The following ZFP41 variants were observed in gnomAD, a reference collection of about 807,000 sequenced individuals.
ZFP41 encodes the protein zinc finger protein 41 homolog.
A neutral mutation model predicts 11.6 loss-of-function variants in ZFP41; 10 were observed. That is an observed-to-expected ratio of 0.86 (90% CI 0.53 to 1.47). The LOEUF (loss-of-function observed/expected upper bound fraction) is 1.47. Among genes scored for constraint, ZFP41 ranks in the 40% most tolerant of loss-of-function variants. The pLI is 0.00. For synonymous variants in ZFP41, 123 were observed against 100.9 expected (o/e 1.22, Z -1.31); for missense variants, 302 against 264.6 (o/e 1.14, Z -0.98).
intron 2 of ZFP41, among the ~76,000 whole-genome samples, chr8:143,255,834 C>T (rs560834014): frequency 1.3e-4 from 16 of 122,292 alleles, no homozygotes; most frequent in South Asian, 1.2e-3. Context: ...GGGCTCGCCC[C>T]GCGTGCTGGT....
Position 143,250,299 on chromosome 8 carries a change from T to C in ZFP41, c.456T>C (p.Phe152=), listed in dbSNP as rs146644093. Reference sequence around the variant, plus strand: ...AATGCGGGGAGTGCGGGAAAGCCTTTAACTGCGGCTCCAATCTCCTGAAAC... The same window carrying C: ...AATGCGGGGAGTGCGGGAAAGCCTTCAACTGCGGCTCCAATCTCCTGAAAC... ...PFKCGECGKA[F]NCGSNLLKHQ... The change falls in exon 2 of 3, where the codon TTT becomes TTC. Residue 152 remains phenylalanine, a synonymous_variant. Transcript: ENST00000330701. The C allele has an allele frequency of 2.5e-6, 4 of 1,613,998 alleles. No individual in the cohort carries two copies. Among genetic ancestry groups the C allele is most frequent in the Middle Eastern group, 1.6e-4 (1 of 6,062 alleles).
chr8:143,250,371 T>C lies in ZFP41; in HGVS notation c.528T>C (p.Cys176=). 1 of 1,613,912 alleles carries C rather than the reference T, an allele frequency of 6.2e-7. No individual in the cohort carries two copies. Among genetic ancestry groups the C allele is most frequent in the Non-Finnish European group, 8.5e-7 (1 of 1,180,014 alleles). Residue 176 remains cysteine, a synonymous_variant, in exon 2 of 3, where the codon TGT becomes TGC. Transcript: ENST00000330701. ...AGAAGCCCTACGAATGCACGCACTG[T>C]GGGAAAGCCTTTGCCTACAGCTCCT... ...TGEKPYECTH[C]GKAFAYSSCL...
chr8:143,251,901 A>T (rs1318846968), intron 2 of ZFP41, among the ~76,000 whole-genome samples: 1 of 152,244 alleles, frequency 6.6e-6, no homozygotes, highest in East Asian at 1.9e-4. Flanking sequence ...GACGTGTTGG[A>T]AGCACATTCC....
rs752962566 is a variant in ZFP41, at chr8:143,250,205, G to A, written c.362G>A (p.Gly121Glu). The A allele has an allele frequency of 6.2e-7, 1 of 1,614,062 alleles. No homozygotes were observed. The highest frequency in any genetic ancestry group is 1.7e-5 in the Admixed American group (1 of 60,014). ...AAGCCCTTCAAGTGTGCGCAGTGCG[G>A]GAAGGCCTTCCGGCACAGCTCTGAC... is the stretch of plus-strand genomic sequence containing the variant. The part of the protein sequence containing the change: ...GEKPFKCAQC[G>E]KAFRHSSDVT... Residue 121 changes from glycine to glutamate, a missense_variant, in exon 2 of 3, where the codon GGG (glycine) becomes GAG (glutamate). Gly to Glu is a moderately conservative substitution (Grantham distance 98). Transcript: ENST00000330701.
At chr8:143,258,855 G>C (rs1051805848) in intron 2 of ZFP41, among the ~76,000 whole-genome samples, 1 of 152,230 alleles carries the variant, frequency 6.6e-6, no homozygotes, top group Non-Finnish European at 1.5e-5. Flanking sequence ...GCGTGGTAAA[G>C]ATGGCCAGGT....
At chr8:143,256,928 G>T (rs1362862900) in intron 2 of ZFP41, among the ~76,000 whole-genome samples, 4 of 152,264 alleles carry the variant, frequency 2.6e-5, no homozygotes, top group Admixed American at 2.6e-4. Context: ...AAGACCAAGA[G>T]CTGAAGCCGG....
intron 2 of ZFP41, among the ~76,000 whole-genome samples, chr8:143,256,820 T>C (rs7824894): frequency 0.44 from 67,079 of 152,048 alleles, 15,667 homozygotes; most frequent in East Asian, 0.69. Flanking sequence ...ATCTTTTTTG[T>C]CCCTATCATT....
chr8:143,247,936 C>G (rs1816723848), intron 1 of ZFP41, among the ~76,000 whole-genome samples: 1 of 152,334 alleles, frequency 6.6e-6, no homozygotes, highest in Admixed American at 6.5e-5. Context: ...TCCCCTCCCT[C>G]AGCCTCCTGA....
chr8:143,258,937 C>G (rs1814974216), intron 2 of ZFP41, among the ~76,000 whole-genome samples: 1 of 152,228 alleles, frequency 6.6e-6, no homozygotes, highest in Non-Finnish European at 1.5e-5. Flanking sequence ...GCAGCACAGT[C>G]TGGAGAGCAG....
intron 2 of ZFP41, among the ~76,000 whole-genome samples, chr8:143,254,392 A>G (rs1407374086): frequency 1.7e-4 from 26 of 152,228 alleles, no homozygotes; most frequent in Admixed American, 1.6e-3. Flanking sequence ...AGCCGGCGTC[A>G]GGAGTCAGGA....
intron 1 of ZFP41, chr8:143,247,539 G>A (rs978707813): frequency 3.3e-5 from 5 of 152,304 alleles, no homozygotes; most frequent in African/African-American, 1.2e-4. Context: ...GTGGAGGGAG[G>A]CGCCAGGGTG....
At chr8:143,247,509 G>C (rs937915455) in intron 1 of ZFP41, 10 of 152,416 alleles carry the variant, frequency 6.6e-5, no homozygotes, top group African/African-American at 2.2e-4. Flanking sequence ...CTCTCCATGA[G>C]ACCCAGATCC....
At chr8:143,252,006 G>A (rs960047118) in intron 2 of ZFP41, among the ~76,000 whole-genome samples, 1 of 152,216 alleles carries the variant, frequency 6.6e-6, no homozygotes, top group African/African-American at 2.4e-5. Context: ...GCTGCCACTT[G>A]TAGTATCGTG....
rs56112135 is a variant in ZFP41, at chr8:143,254,630, C to CTT, written c.*900+3310_*900+3311dup. Among the ~76,000 whole-genome samples, 1,110 of 114,956 alleles carry CTT rather than the reference C, an allele frequency of 9.7e-3. 32 individuals carry two copies. The highest frequency in any genetic ancestry group is 0.013 in the Non-Finnish European group (731 of 56,696). 75.4% of individuals were successfully genotyped at this position (114,956 alleles called of 152,430 possible). ...CCGTTACTGACAATAGGGAGCGTTACTTTTTTTTTTTTTTTTTTTTTGAGA... is the reference window on the plus strand; with the variant it reads ...CCGTTACTGACAATAGGGAGCGTTACTTTTTTTTTTTTTTTTTTTTTTTGAGA... On this transcript the variant is annotated intron_variant, in intron 2 of 2. Transcript: ENST00000330701.
At chr8:143,258,329 C>A (rs1338287572) in intron 2 of ZFP41, among the ~76,000 whole-genome samples, 1 of 152,176 alleles carries the variant, frequency 6.6e-6, no homozygotes, top group East Asian at 1.9e-4. Flanking sequence ...ACGCCTCTTC[C>A]AGGCCTGGCC....
Position 143,252,570 on chromosome 8 carries a change from A to G in ZFP41, c.*900+1230A>G, listed in dbSNP as rs57820963. The G allele has an allele frequency of 8.7e-3, 8,039 of 921,134 alleles. 395 individuals are homozygous for G. The African/African-American group carries it at 0.11, about 13-fold the overall frequency. 57.1% of individuals were successfully genotyped at this position (921,134 alleles called of 1,614,324 possible). On this transcript the variant is annotated intron_variant, in intron 2 of 2. Transcript: ENST00000330701. ...GAGCCGTGGCGCCTGTGGCCTCCTG[A>G]TGGTCCTGCCGCCTCAGTCGCTGCT...
Position 143,250,335 on chromosome 8 carries a change from G to T in ZFP41, c.492G>T (p.Thr164=). The T allele has an allele frequency of 6.2e-7, 1 of 1,613,928 alleles. No homozygotes were observed. Among genetic ancestry groups the T allele is most frequent in the South Asian group, 1.1e-5 (1 of 91,076 alleles). ...CCAATCTCCTGAAACATCAGAAGAC[G>T]CACACCGGGGAGAAGCCCTACGAAT... ...CGSNLLKHQK[T]HTGEKPYECT... The change falls in exon 2 of 3, where the codon ACG becomes ACT. Residue 164 remains threonine, a synonymous_variant. Transcript: ENST00000330701.
rs56112135 is a variant in ZFP41 at position 143,254,630 on chromosome 8, CT to C, written c.*900+3311del. 5.3e-3 allele frequency among the ~76,000 whole-genome samples: 613 copies of C among 115,002 alleles called. 3 individuals carry two copies. Among genetic ancestry groups the C allele is most frequent in the African/African-American group, 0.017 (545 of 32,424 alleles). The allele number at this position is 115,002 out of a possible 152,430, so 75.4% of individuals were successfully genotyped here. On this transcript the variant is annotated intron_variant, in intron 2 of 2. Coordinates refer to ENST00000330701, the MANE Select transcript of ZFP41 (RefSeq NM_173832.6). ...CCGTTACTGACAATAGGGAGCGTTA[CT>C]TTTTTTTTTTTTTTTTTTTTGAGAC...
chr8:143,252,608 T>C lies in ZFP41; in HGVS notation c.*900+1268T>C, dbSNP rs1265608789. 3.0e-6 allele frequency: 3 copies of C among 984,554 alleles called. No homozygotes were observed. The African/African-American group carries it at 5.2e-5, about 17-fold the overall frequency. The allele number at this position is 984,554 out of a possible 1,614,324, so 61.0% of individuals were successfully genotyped here. On this transcript the variant is annotated intron_variant, in intron 2 of 2. Transcript: ENST00000330701. ...CTCAGTCGCTGCTGGAAGCACGGCC[T>C]TCGTGGCTTCTCAATGGCCCGTGGT...
Sources: gnomAD v4.1 joint callset for allele counts (sites outside exome capture counted in the v4.1 genomes callset) on GRCh38, gnomAD v4.1.1 for gene constraint, MANE v1.5 for transcripts, NCBI Gene and HGNC (gene_info 2026-07-23, HGNC 2026-07-21) for gene names.